ARFGEF1: variants seen among roughly 807,000 people sequenced by gnomAD.
The protein encoded by ARFGEF1 is ARF guanine nucleotide exchange factor 1.
ARFGEF1 carries 42 observed loss-of-function variants against 231.0 expected under a neutral mutation model. The ratio of observed to expected loss-of-function variants is 0.18; its 90% CI spans 0.14 to 0.24. The LOEUF is 0.24. ARFGEF1 is among the 10% of genes least tolerant of loss of function. The pLI, the probability that ARFGEF1 is intolerant of heterozygous loss-of-function variation, is 1.00. For synonymous variants in ARFGEF1, 710 were observed against 732.3 expected, an observed-to-expected ratio of 0.97 and a Z score of 0.49; for missense variants, 1,345 against 2,192.0, an observed-to-expected ratio of 0.61 and a Z score of 7.72.
chr8:67,228,582 T>A (rs1839456039), intron 23 of ARFGEF1, among the ~76,000 whole-genome samples: 1 of 152,060 alleles, frequency 6.6e-6, no homozygotes, highest in Non-Finnish European at 1.5e-5. Context: ...TATTAATTTG[T>A]AAAACTAATA....
chr8:67,194,164 C>T (rs1837212727), downstream of ARFGEF1, among the ~76,000 whole-genome samples: 1 of 152,008 alleles, frequency 6.6e-6, no homozygotes, highest in African/African-American at 2.4e-5. Flanking sequence ...GCTACCCTGC[C>T]AGCCCTACAC....
At chr8:67,309,519 C>A (rs1587281841) in intron 1 of ARFGEF1, among the ~76,000 whole-genome samples, 1 of 152,106 alleles carries the variant, frequency 6.6e-6, no homozygotes, top group Non-Finnish European at 1.5e-5. Flanking sequence ...CTTCGCATAC[C>A]TTCCCTACTT....
Position 67,197,902 on chromosome 8 carries a change from A to G in ARFGEF1, c.*1032T>C. The G allele has an allele frequency of 4.1e-6, 4 of 985,882 alleles. No homozygotes were observed. The highest frequency in any genetic ancestry group is 1.7e-5 in the African/African-American group (1 of 57,372). The allele number at this position is 985,882 out of a possible 1,614,324, so 61.1% of individuals were successfully genotyped here. ...CAATTCACAGTATGAATACATTTCC[A>G]GTAAATCTAACCTCCGCAAACCATG... is the stretch of plus-strand genomic sequence containing the variant. On this transcript the variant is annotated 3_prime_UTR_variant, in exon 39 of 39. Coordinates refer to ENST00000262215, the MANE Select transcript of ARFGEF1 (RefSeq NM_006421.5).
chr8:67,327,566 C>T (rs1440188796), intron 1 of ARFGEF1, among the ~76,000 whole-genome samples: 1 of 152,078 alleles, frequency 6.6e-6, no homozygotes, highest in Non-Finnish European at 1.5e-5. Context: ...GTGATCCACC[C>T]ACTTCAGCCT....
chr8:67,247,458 T>C (rs1840141843), intron 19 of ARFGEF1, among the ~76,000 whole-genome samples: 1 of 150,584 alleles, frequency 6.6e-6, no homozygotes, highest in Non-Finnish European at 1.5e-5. Flanking sequence ...ATCAATGTGA[T>C]ACACCATATC....
At chr8:67,328,258 A>G (rs1396749081) in intron 1 of ARFGEF1, among the ~76,000 whole-genome samples, 1 of 152,164 alleles carries the variant, frequency 6.6e-6, no homozygotes, top group African/African-American at 2.4e-5. Flanking sequence ...GGTGCTACTA[A>G]TTCTTTACAG....
intron 23 of ARFGEF1, among the ~76,000 whole-genome samples, chr8:67,228,815 C>G (rs948815888): frequency 6.6e-6 from 1 of 151,984 alleles, no homozygotes; most frequent in Non-Finnish European, 1.5e-5. Flanking sequence ...CTAACACTGC[C>G]CAGCTTTGCC....
intron 23 of ARFGEF1, among the ~76,000 whole-genome samples, chr8:67,232,528 T>C (rs1309861156): frequency 1.3e-5 from 2 of 152,030 alleles, no homozygotes; most frequent in Non-Finnish European, 2.9e-5. Flanking sequence ...TACACAACAT[T>C]TTCAAATAGG....
Position 67,180,023 on chromosome 8 carries a change from T to TA in ARFGEF1, c.561-4452dup, listed in dbSNP as rs768421527. 0.028 allele frequency: 13,081 copies of TA among 467,264 alleles called. 53 individuals are homozygous for TA. Among genetic ancestry groups the TA allele is most frequent in the African/African-American group, 0.056 (2,597 of 46,634 alleles). The allele number at this position is 467,264 out of a possible 1,614,324, so 28.9% of individuals were successfully genotyped here. ...CTGTATTCCTTGTTGTACAAGGTAG[T>TA]AAAAAAAAAAAAAGGAATATTCTTT... On this transcript the variant is annotated intron_variant, in intron 5 of 5. Coordinates refer to the ARFGEF1 transcript ENST00000518789.
At chr8:67,191,300 CTGTG>C (rs1052580788) in intron 5 of ARFGEF1, among the ~76,000 whole-genome samples, 4 of 152,292 alleles carry the variant, frequency 2.6e-5, no homozygotes, top group South Asian at 2.1e-4. Flanking sequence ...TTCTTAAACT[CTGTG>C]TGTGTTTCCT....
chr8:67,325,218 A>T (rs900898924), intron 1 of ARFGEF1, among the ~76,000 whole-genome samples: 1 of 149,056 alleles, frequency 6.7e-6, no homozygotes. Flanking sequence ...AGGCCGAAAA[A>T]TCCACTTTTT....
chr8:67,175,713 A>C, intron 5 of ARFGEF1: 4 of 533,644 alleles, frequency 7.5e-6, no homozygotes. Flanking sequence ...TGACGTCTGC[A>C]TCAGGAACTA....
chr8:67,329,765 TAAG>T (rs1469802499), intron 1 of ARFGEF1, among the ~76,000 whole-genome samples: 1 of 151,768 alleles, frequency 6.6e-6, no homozygotes, highest in African/African-American at 2.4e-5. Context: ...ACCTTTACAT[TAAG>T]AAGTTTTAGT....
chr8:67,203,071 T>C lies in ARFGEF1; in HGVS notation c.5128+12A>G. 5 of 1,608,580 alleles carry C rather than the reference T, an allele frequency of 3.1e-6. No homozygotes were observed. The highest frequency in any genetic ancestry group is 4.2e-6 in the Non-Finnish European group (5 of 1,177,400). ...AACAGTAAACATTAAATGTGAGGCG[T>C]GTGCAGCTTACCTGCTTTCCACAGG... On this transcript the variant is annotated intron_variant, in intron 36 of 38. Coordinates refer to ENST00000262215, the MANE Select transcript of ARFGEF1 (RefSeq NM_006421.5).
intron 4 of ARFGEF1, among the ~76,000 whole-genome samples, chr8:67,296,878 C>T (rs1806258916): frequency 1.3e-5 from 2 of 152,076 alleles, no homozygotes; most frequent in South Asian, 4.1e-4. Context: ...GGTCTCACTC[C>T]TGGCTTCATG....
At chr8:67,229,965 C>T (rs1281236960) in intron 23 of ARFGEF1, among the ~76,000 whole-genome samples, 5 of 152,012 alleles carry the variant, frequency 3.3e-5, no homozygotes, top group East Asian at 3.9e-4. Context: ...GTTGACATAA[C>T]GGAGAACAAA....
intron 14 of ARFGEF1, among the ~76,000 whole-genome samples, chr8:67,260,705 G>A (rs1488660416): frequency 1.3e-5 from 2 of 152,112 alleles, no homozygotes; most frequent in Non-Finnish European, 2.9e-5. Flanking sequence ...AGGAAGACTC[G>A]CACATCTCTC....
chr8:67,190,831 T>A (rs747358178), intron 5 of ARFGEF1: 48 of 1,092,338 alleles, frequency 4.4e-5, no homozygotes, highest in Non-Finnish European at 6.3e-5. Context: ...CTGTGCTAAA[T>A]CTGTGTGGCC....
downstream of ARFGEF1, among the ~76,000 whole-genome samples, chr8:67,197,046 C>T (rs1158536198): frequency 6.6e-6 from 1 of 152,158 alleles, no homozygotes; most frequent in South Asian, 2.1e-4. Flanking sequence ...CTTCAACTGA[C>T]TCCTCGAACA....
Sources: allele counts gnomAD v4.1 joint callset (sites outside exome capture counted in the v4.1 genomes callset), GRCh38; gene constraint gnomAD v4.1.1; transcripts MANE v1.5; gene names NCBI Gene and HGNC (gene_info 2026-07-23, HGNC 2026-07-21).